Variants in INPP4B observed in about 807,000 individuals in gnomAD.
INPP4B encodes the protein inositol polyphosphate-4-phosphatase type II B.
Under a neutral mutation model 122.5 loss-of-function variants are expected in INPP4B, and 55 were observed. That is an observed-to-expected ratio of 0.45 (90% CI 0.36 to 0.56). INPP4B has a LOEUF of 0.56. Ranked by LOEUF, INPP4B falls within the 20% of genes least tolerant of loss-of-function variation. The pLI, the probability that INPP4B is intolerant of heterozygous loss-of-function variation, is 0.00. For synonymous variants in INPP4B, 403 were observed against 388.7 expected (o/e 1.04, Z -0.43); for missense variants, 1,000 against 1,097.7 (o/e 0.91, Z 1.26).
intron 9 of INPP4B, among the ~76,000 whole-genome samples, chr4:142,296,835 T>A (rs1296001080): frequency 6.6e-6 from 1 of 152,230 alleles, no homozygotes; most frequent in Non-Finnish European, 1.5e-5. Context: ...ACAAAATGGC[T>A]GATGTTAGAG....
At chr4:142,218,036 TTGTGTG>T (rs4054980) in intron 12 of INPP4B, among the ~76,000 whole-genome samples, 11 of 149,148 alleles carry the variant, frequency 7.4e-5, no homozygotes, top group South Asian at 2.1e-4. Context: ...TTCTAATAAA[TTGTGTG>T]TGTGTGTGTG....
chr4:142,589,130 C>T (rs1268377288), intron 2 of INPP4B, among the ~76,000 whole-genome samples: 5 of 151,796 alleles, frequency 3.3e-5, no homozygotes, highest in African/African-American at 1.2e-4. Flanking sequence ...TCAGAACAAC[C>T]GGACATCCAT....
At chr4:142,589,540 T>G (rs561446413) in intron 2 of INPP4B, among the ~76,000 whole-genome samples, 1 of 152,006 alleles carries the variant, frequency 6.6e-6, no homozygotes, top group Non-Finnish European at 1.5e-5. Flanking sequence ...TCAACATAAA[T>G]TTTCCTCAAG....
chr4:142,568,549 G>A (rs887986558), intron 2 of INPP4B, among the ~76,000 whole-genome samples: 2 of 152,100 alleles, frequency 1.3e-5, no homozygotes, highest in African/African-American at 4.8e-5. Context: ...ACATATCTAA[G>A]TATCCAAAGA....
At chr4:142,118,227 T>G (rs1409142931) in intron 21 of INPP4B, among the ~76,000 whole-genome samples, 3 of 152,168 alleles carry the variant, frequency 2.0e-5, no homozygotes, top group African/African-American at 7.2e-5. Flanking sequence ...CCCAAGGTAA[T>G]TTATAGATTC....
chr4:142,432,536 T>C (rs1809548071), intron 3 of INPP4B, among the ~76,000 whole-genome samples: 1 of 152,120 alleles, frequency 6.6e-6, no homozygotes, highest in Non-Finnish European at 1.5e-5. Flanking sequence ...AATCCATCAA[T>C]TTGAACATTA....
intron 2 of INPP4B, among the ~76,000 whole-genome samples, chr4:142,678,501 T>C (rs1758135976): frequency 6.6e-6 from 1 of 151,898 alleles, no homozygotes; most frequent in Non-Finnish European, 1.5e-5. Context: ...TTACTTATTT[T>C]ACAAATTTAG....
intron 25 of INPP4B, among the ~76,000 whole-genome samples, chr4:142,078,470 T>C (rs1004914899): frequency 6.6e-6 from 1 of 152,044 alleles, no homozygotes; most frequent in African/African-American, 2.4e-5. Flanking sequence ...TATTCCTTTA[T>C]TGTATATTTA....
At chr4:142,033,925 C>G (rs1742106803) in intron 25 of INPP4B, among the ~76,000 whole-genome samples, 1 of 152,016 alleles carries the variant, frequency 6.6e-6, no homozygotes, top group Admixed American at 6.6e-5. Flanking sequence ...CTTTAGCCTC[C>G]CATAGTGCTG....
chr4:142,486,079 G>A (rs1030286218), intron 2 of INPP4B, among the ~76,000 whole-genome samples: 1 of 152,024 alleles, frequency 6.6e-6, no homozygotes, highest in Admixed American at 6.6e-5. Context: ...AAGAAGTGCC[G>A]ATTCACAAGA....
At chr4:142,838,957 A>G (rs1202618645) in intron 1 of INPP4B, among the ~76,000 whole-genome samples, 1 of 152,238 alleles carries the variant, frequency 6.6e-6, no homozygotes, top group East Asian at 1.9e-4. Context: ...AAGTTACATG[A>G]GGGTGTGGCT....
chr4:142,792,088 A>T (rs1776626458), intron 1 of INPP4B, among the ~76,000 whole-genome samples: 1 of 151,992 alleles, frequency 6.6e-6, no homozygotes, highest in Non-Finnish European at 1.5e-5. Context: ...ATTTTCTTTT[A>T]AAAAAATAAA....
intron 7 of INPP4B, among the ~76,000 whole-genome samples, chr4:142,384,950 G>T (rs2148905548): frequency 6.6e-6 from 1 of 152,186 alleles, no homozygotes; most frequent in Non-Finnish European, 1.5e-5. Flanking sequence ...TTTTATGGCT[G>T]CATGGCTGCA....
chr4:142,578,716 G>T (rs1218082816), intron 2 of INPP4B, among the ~76,000 whole-genome samples: 3 of 151,850 alleles, frequency 2.0e-5, no homozygotes, highest in Non-Finnish European at 4.4e-5. Flanking sequence ...AGGTACTGGG[G>T]GTTAGGGATT....
intron 2 of INPP4B, among the ~76,000 whole-genome samples, chr4:142,566,942 G>A (rs1473222): frequency 0.54 from 82,597 of 152,074 alleles, 26,809 homozygotes; most frequent in East Asian, 0.79. Flanking sequence ...TAAGGACTAC[G>A]TTCAGAGCCT....
intron 2 of INPP4B, among the ~76,000 whole-genome samples, chr4:142,499,069 C>T (rs543005650): frequency 6.6e-6 from 1 of 152,112 alleles, no homozygotes; most frequent in African/African-American, 2.4e-5. Flanking sequence ...TTTGGAAAGA[C>T]TTTTCCCTGT....
chr4:142,124,894 C>T, intron 18 of INPP4B, 134 bp from the exon 19 acceptor site: 1 of 673,624 alleles, frequency 1.5e-6, no homozygotes, highest in Non-Finnish European at 2.3e-6. Flanking sequence ...AAGATTAGAG[C>T]TGAAGATCTC....
At chr4:142,566,531 G>A (rs890423154) in intron 2 of INPP4B, among the ~76,000 whole-genome samples, 2 of 152,206 alleles carry the variant, frequency 1.3e-5, no homozygotes, top group South Asian at 4.2e-4. Context: ...GATATTTGAA[G>A]GTATTATTGA....
intron 2 of INPP4B, among the ~76,000 whole-genome samples, chr4:142,502,966 CTG>C (rs1823578205): frequency 6.6e-6 from 1 of 152,038 alleles, no homozygotes; most frequent in Non-Finnish European, 1.5e-5. Flanking sequence ...TCGATAATAA[CTG>C]AGATTTCTCA....
Sources: allele counts gnomAD v4.1 joint callset (sites outside exome capture counted in the v4.1 genomes callset), GRCh38; gene constraint gnomAD v4.1.1; transcripts MANE v1.5; gene names NCBI Gene and HGNC (gene_info 2026-07-23, HGNC 2026-07-21).